The following ANK2 variants were observed in gnomAD, a reference collection of about 807,000 sequenced individuals.
The protein encoded by ANK2 is ankyrin-2.
Under a neutral mutation model 360.5 loss-of-function variants are expected in ANK2, and 83 were observed. That is an observed-to-expected ratio of 0.23 (90% CI 0.19 to 0.28). ANK2 has a LOEUF of 0.28. Ranked by LOEUF, ANK2 falls within the 10% of genes least tolerant of loss-of-function variation. The probability of loss-of-function intolerance (pLI) is 1.00; values close to 1 mark genes in which losing one functional copy is unlikely to be tolerated. For synonymous variants in ANK2, 1,740 were observed against 1,759.5 expected (o/e 0.99, Z 0.28); for missense variants, 4,201 against 4,795.7 (o/e 0.88, Z 3.66).
chr4:112,857,786 G>T (rs1056081986), intron 1 of ANK2, among the ~76,000 whole-genome samples: 2 of 152,162 alleles, frequency 1.3e-5, no homozygotes, highest in Non-Finnish European at 1.5e-5. Flanking sequence ...CAGTGCTCCT[G>T]AAGTTTTAAT....
At chr4:113,243,924 G>C (rs530071179) in intron 9 of ANK2, among the ~76,000 whole-genome samples, 1 of 152,142 alleles carries the variant, frequency 6.6e-6, no homozygotes, top group South Asian at 2.1e-4. Flanking sequence ...AATGCTTTTT[G>C]GAGTATTAAC....
At chr4:112,803,144 A>C in the ANK2 span, among the ~76,000 whole-genome samples, 1 of 152,188 alleles carries the variant, frequency 6.6e-6, no homozygotes, top group Non-Finnish European at 1.5e-5. Flanking sequence ...TCCCTCGAGA[A>C]TATCTATCAT....
At chr4:113,378,992 T>G (rs1251876752) in intron 45 of ANK2, among the ~76,000 whole-genome samples, 1 of 152,186 alleles carries the variant, frequency 6.6e-6, no homozygotes, top group Non-Finnish European at 1.5e-5. Context: ...GGAGAAAGAT[T>G]GTCATTCAGA....
Position 113,266,802 on chromosome 4 carries a change from G to A in ANK2, c.1485+1807G>A, listed in dbSNP as rs543540032. 5.3e-5 allele frequency among the ~76,000 whole-genome samples: 8 copies of A among 152,242 alleles called. No individual in the cohort carries two copies. In the South Asian group the frequency reaches 1.2e-3, roughly 24 times the overall value. On this transcript the variant is annotated intron_variant, in intron 14 of 45. Coordinates refer to ENST00000357077, the MANE Select transcript of ANK2 (RefSeq NM_001148.6). ...TGAGGCAGGAGAATCTCTTGAACCC[G>A]GGAGGCGGAGGTTGCGGTGAGCTGA...
At chr4:113,316,586 A>T (rs868465028) in intron 24 of ANK2, among the ~76,000 whole-genome samples, 2 of 152,236 alleles carry the variant, frequency 1.3e-5, no homozygotes, top group African/African-American at 4.8e-5. Flanking sequence ...AGTAAATGAA[A>T]GTTTGCTTCT....
chr4:113,344,884 G>A (rs1368543561), intron 34 of ANK2, among the ~76,000 whole-genome samples: 2 of 152,094 alleles, frequency 1.3e-5, no homozygotes, highest in Non-Finnish European at 2.9e-5. Context: ...AAGATAGAAA[G>A]TAGAAGAGTG....
intron 1 of ANK2, among the ~76,000 whole-genome samples, chr4:113,097,873 T>C (rs368307132): frequency 3.3e-5 from 4 of 121,514 alleles, no homozygotes; most frequent in South Asian, 2.7e-4. Flanking sequence ...TGTGTATATA[T>C]ATGCACACAC....
intron 2 of ANK2, among the ~76,000 whole-genome samples, chr4:112,914,604 AAAAAG>A (rs911096615): frequency 7.2e-5 from 11 of 152,178 alleles, no homozygotes; most frequent in African/African-American, 2.2e-4. Flanking sequence ...ACTCTGTCTC[AAAAAG>A]AAAAGAAAAG....
Position 113,176,378 on chromosome 4 carries a change from C to T in ANK2, c.186+1861C>T, listed in dbSNP as rs528573686. Among the ~76,000 whole-genome samples, 76 of 152,192 alleles carry T rather than the reference C, an allele frequency of 5.0e-4. 2 individuals carry two copies. The South Asian group carries it at 7.9e-3, about 16-fold the overall frequency. ...CTTAACACTGACCTATGGAATAAACCCAAATTACTGTATTCCAATATGTAA... is the reference window on the plus strand; with the variant it reads ...CTTAACACTGACCTATGGAATAAACTCAAATTACTGTATTCCAATATGTAA... On this transcript the variant is annotated intron_variant, in intron 2 of 45. Coordinates refer to ENST00000357077, the MANE Select transcript of ANK2 (RefSeq NM_001148.6).
chr4:113,020,300 C>A (rs2057717828), intron 2 of ANK2, among the ~76,000 whole-genome samples: 2 of 152,138 alleles, frequency 1.3e-5, no homozygotes, highest in Non-Finnish European at 2.9e-5. Flanking sequence ...CATTTTTCTA[C>A]CTCAGCCTTT....
intron 1 of ANK2, among the ~76,000 whole-genome samples, chr4:112,834,041 A>G (rs895954142): frequency 2.0e-5 from 3 of 152,166 alleles, no homozygotes; most frequent in Non-Finnish European, 4.4e-5. Flanking sequence ...TTCATTTAAC[A>G]TGTCTTGAAG....
At chr4:113,194,367 T>C (rs990888486) in intron 2 of ANK2, among the ~76,000 whole-genome samples, 1 of 152,196 alleles carries the variant, frequency 6.6e-6, no homozygotes, top group Non-Finnish European at 1.5e-5. Context: ...AAAATTTTTA[T>C]TGGCTATCTG....
chr4:112,873,454 C>G (rs1033276092), intron 1 of ANK2, among the ~76,000 whole-genome samples: 7 of 151,742 alleles, frequency 4.6e-5, no homozygotes, highest in African/African-American at 1.7e-4. Context: ...TATTCTTTGA[C>G]CCATTGGTTA....
At chr4:112,958,218 C>G (rs1430998691) in intron 2 of ANK2, among the ~76,000 whole-genome samples, 1 of 151,878 alleles carries the variant, frequency 6.6e-6, no homozygotes, top group Non-Finnish European at 1.5e-5. Flanking sequence ...GCTGCAATCT[C>G]GGCACTTTGG....
intron 2 of ANK2, among the ~76,000 whole-genome samples, chr4:113,019,872 A>T (rs1303707810): frequency 6.6e-6 from 1 of 151,028 alleles, no homozygotes; most frequent in Non-Finnish European, 1.5e-5. Context: ...TTTTTTTTTT[A>T]AACCTAGGCT....
intron 17 of ANK2, among the ~76,000 whole-genome samples, chr4:113,279,199 G>A (rs1236774669): frequency 6.6e-6 from 1 of 152,068 alleles, no homozygotes; most frequent in East Asian, 1.9e-4. Flanking sequence ...AGTCCTCATT[G>A]CGTCTTTCGT....
the ANK2 span, among the ~76,000 whole-genome samples, chr4:112,766,752 T>C: frequency 3.2e-4 from 48 of 152,354 alleles, no homozygotes; most frequent in African/African-American, 1.1e-3. Context: ...TGTGCGTCTC[T>C]AAACCAATCA....
At chr4:113,126,402 T>C (rs891232394) in intron 1 of ANK2, among the ~76,000 whole-genome samples, 3 of 152,212 alleles carry the variant, frequency 2.0e-5, no homozygotes, top group African/African-American at 7.2e-5. Context: ...TCCTTATTTA[T>C]GGCTCCTGCC....
At chr4:113,182,193 A>G (rs1584155255) in intron 2 of ANK2, among the ~76,000 whole-genome samples, 1 of 152,186 alleles carries the variant, frequency 6.6e-6, no homozygotes, top group African/African-American at 2.4e-5. Context: ...TTGAGGTCAC[A>G]ATGGAAAGAA....
Sources: gnomAD v4.1 joint callset for allele counts (sites outside exome capture counted in the v4.1 genomes callset) on GRCh38, gnomAD v4.1.1 for gene constraint, MANE v1.5 for transcripts, NCBI Gene and HGNC (gene_info 2026-07-23, HGNC 2026-07-21) for gene names.